RCAN2: variants seen among roughly 807,000 people sequenced by gnomAD.
RCAN2 encodes the protein calcipressin-2.
RCAN2 carries 9 observed loss-of-function variants against 23.6 expected under a neutral mutation model. The ratio of observed to expected loss-of-function variants is 0.38; its 90% CI spans 0.23 to 0.67. The LOEUF (loss-of-function observed/expected upper bound fraction) is 0.67. Among genes scored for constraint, RCAN2 ranks in the 30% least tolerant of loss-of-function variants. The pLI, the probability that RCAN2 is intolerant of heterozygous loss-of-function variation, is 0.51. For synonymous variants in RCAN2, 109 were observed against 115.7 expected, an observed-to-expected ratio of 0.94 and a Z score of 0.37; for missense variants, 273 against 302.3, an observed-to-expected ratio of 0.90 and a Z score of 0.72.
intron 2 of RCAN2, among the ~76,000 whole-genome samples, chr6:46,432,470 C>A (rs1767240730): frequency 6.6e-6 from 1 of 152,120 alleles, no homozygotes; most frequent in African/African-American, 2.4e-5. Context: ...GCCTCGGCTT[C>A]CCAAAGCACT....
intron 2 of RCAN2, among the ~76,000 whole-genome samples, chr6:46,333,156 GT>G (rs961243098): frequency 6.6e-6 from 1 of 150,834 alleles, no homozygotes; most frequent in Non-Finnish European, 1.5e-5. Flanking sequence ...TGATGGGGTT[GT>G]TTTTTTTTCT....
intron 2 of RCAN2, among the ~76,000 whole-genome samples, chr6:46,308,801 T>C (rs992363871): frequency 7.9e-5 from 12 of 152,068 alleles, no homozygotes; most frequent in African/African-American, 2.7e-4. Context: ...AGGAAAGTAG[T>C]TTGAAGTTAC....
rs149021347 is a variant in RCAN2 at position 46,287,489 on chromosome 6, G to A, written c.226-38593C>T. 7.1e-3 allele frequency among the ~76,000 whole-genome samples: 1,073 copies of A among 152,190 alleles called. 13 individuals are homozygous for A. Among genetic ancestry groups the A allele is most frequent in the African/African-American group, 0.024 (1,003 of 41,514 alleles). On this transcript the variant is annotated intron_variant, in intron 2 of 4. Coordinates refer to ENST00000371374, the MANE Select transcript of RCAN2 (RefSeq NM_001251974.2). ...CCCCCACTTCCCAAAATACACACAC[G>A]TCTTCCACTCTTAGATTACTTGTAC... is the stretch of plus-strand genomic sequence containing the variant.
chr6:46,340,699 C>A (rs12055715), intron 2 of RCAN2, among the ~76,000 whole-genome samples: 3 of 151,944 alleles, frequency 2.0e-5, no homozygotes, highest in African/African-American at 7.3e-5. Flanking sequence ...GGTAAGCCCT[C>A]GAAATTTTAG....
At chr6:46,465,595 G>A (rs963904133) in intron 1 of RCAN2, among the ~76,000 whole-genome samples, 3 of 152,152 alleles carry the variant, frequency 2.0e-5, no homozygotes, top group Admixed American at 6.5e-5. Flanking sequence ...TTTCACTGCA[G>A]GATGTAGTCA....
chr6:46,440,298 T>C (rs971913555), intron 2 of RCAN2, among the ~76,000 whole-genome samples: 6 of 152,198 alleles, frequency 3.9e-5, no homozygotes, highest in Non-Finnish European at 5.9e-5. Flanking sequence ...TGGCACGTGT[T>C]CCTGGAAGAT....
In RCAN2 at chr6:46,287,589, T is replaced by C. The variant is rs116777970; in HGVS notation, c.226-38693A>G. On this transcript the variant is annotated intron_variant, in intron 2 of 4. Coordinates refer to ENST00000371374, the MANE Select transcript of RCAN2 (RefSeq NM_001251974.2). The stretch of plus-strand genomic sequence containing the variant: ...GACTTCCATTATGGGTCCCTTTTCA[T>C]TGAACTTCATCTGATTGAATTTTAG... Among the ~76,000 whole-genome samples the C allele has an allele frequency of 5.4e-3, 827 of 152,378 alleles. 5 individuals carry two copies. The highest frequency in any genetic ancestry group is 0.018 in the African/African-American group (760 of 41,590).
At chr6:46,254,348 T>A (rs1209505602) in intron 2 of RCAN2, among the ~76,000 whole-genome samples, 3 of 152,094 alleles carry the variant, frequency 2.0e-5, no homozygotes, top group African/African-American at 4.8e-5. Flanking sequence ...TACAACATAA[T>A]GGTCAGAAAA....
rs907197561 is a variant in RCAN2 at position 46,221,776 on chromosome 6, T to C, written c.*1365A>G. 5 of 395,534 alleles carry C rather than the reference T, an allele frequency of 1.3e-5. No homozygotes were observed. The highest frequency in any genetic ancestry group is 2.2e-5 in the Non-Finnish European group (5 of 224,552). The allele number at this position is 395,534 out of a possible 1,614,324, so 24.5% of individuals were successfully genotyped here. ...TTCCCCACTCCATTGTAATCTGCGT[T>C]TGCATCTAAAGTAATTCATTAATGT... is the stretch of plus-strand genomic sequence containing the variant. On this transcript the variant is annotated 3_prime_UTR_variant, in exon 5 of 5. Coordinates refer to ENST00000371374, the MANE Select transcript of RCAN2 (RefSeq NM_001251974.2).
chr6:46,420,977 T>A (rs1582187963), intron 2 of RCAN2, among the ~76,000 whole-genome samples: 3 of 152,236 alleles, frequency 2.0e-5, no homozygotes, highest in African/African-American at 4.8e-5. Flanking sequence ...ATGAACATGA[T>A]GTCATCCCTG....
chr6:46,401,347 C>T (rs1426901344), intron 2 of RCAN2, among the ~76,000 whole-genome samples: 1 of 152,160 alleles, frequency 6.6e-6, no homozygotes, highest in Non-Finnish European at 1.5e-5. Flanking sequence ...CACCCCTGGG[C>T]CTTTGTCAGG....
At chr6:46,410,160 G>A (rs1766506715) in intron 2 of RCAN2, among the ~76,000 whole-genome samples, 1 of 152,070 alleles carries the variant, frequency 6.6e-6, no homozygotes, top group Admixed American at 6.6e-5. Flanking sequence ...TAGGCCTTTG[G>A]GCTTAGACTA....
At chr6:46,273,904 A>G (rs1767601831) in intron 2 of RCAN2, among the ~76,000 whole-genome samples, 2 of 151,980 alleles carry the variant, frequency 1.3e-5, no homozygotes, top group Admixed American at 1.3e-4. Context: ...TTTGTGAACA[A>G]GCCTAATCCT....
rs1382559006 is a variant in RCAN2 at position 46,438,962 on chromosome 6, T to C, written c.225+17790A>G. ...GTCACTGTTCTTCTCTGGGTACTTA[T>C]ATTGTATATCTTAGAATATCTTAGG... On this transcript the variant is annotated intron_variant, in intron 2 of 4. Coordinates refer to ENST00000371374, the MANE Select transcript of RCAN2 (RefSeq NM_001251974.2). Among the ~76,000 whole-genome samples the C allele has an allele frequency of 3.3e-5, 5 of 152,260 alleles. No homozygotes were observed. In the South Asian group the frequency reaches 1.0e-3, roughly 31 times the overall value.
At chr6:46,309,030 G>A (rs892307172) in intron 2 of RCAN2, among the ~76,000 whole-genome samples, 1 of 152,114 alleles carries the variant, frequency 6.6e-6, no homozygotes, top group Non-Finnish European at 1.5e-5. Flanking sequence ...GACCTGGAGA[G>A]CTCCAGGCTT....
chr6:46,474,079 G>A (rs1389558827), intron 1 of RCAN2, among the ~76,000 whole-genome samples: 1 of 152,118 alleles, frequency 6.6e-6, no homozygotes, highest in Non-Finnish European at 1.5e-5. Flanking sequence ...CAGAAGAAGA[G>A]GAGAATAGGC....
At chr6:46,420,833 C>T (rs1766865782) in intron 2 of RCAN2, among the ~76,000 whole-genome samples, 2 of 152,114 alleles carry the variant, frequency 1.3e-5, no homozygotes. Context: ...AGACATGAGC[C>T]ACTGCACCCA....
intron 2 of RCAN2, among the ~76,000 whole-genome samples, chr6:46,367,015 TGG>T (rs1310318317): frequency 2.9e-5 from 2 of 69,792 alleles, no homozygotes; most frequent in South Asian, 6.1e-4. Flanking sequence ...TTCAGTTATC[TGG>T]GATGGATATA....
chr6:46,229,366 T>C (rs1039929042), intron 4 of RCAN2, among the ~76,000 whole-genome samples: 9 of 152,210 alleles, frequency 5.9e-5, no homozygotes, highest in African/African-American at 2.2e-4. Flanking sequence ...GAAGAGTGTT[T>C]TCCAACTTGG....
Sources: allele counts gnomAD v4.1 joint callset (sites outside exome capture counted in the v4.1 genomes callset), GRCh38; gene constraint gnomAD v4.1.1; transcripts MANE v1.5; gene names NCBI Gene and HGNC (gene_info 2026-07-23, HGNC 2026-07-21).